The following ANKRD45 variants were observed in gnomAD, a reference collection of about 807,000 sequenced individuals.
ANKRD45 encodes the protein ankyrin repeat domain-containing protein 45.
ANKRD45 carries 21 observed loss-of-function variants against 28.1 expected under a neutral mutation model. The ratio of observed to expected loss-of-function variants is 0.75; its 90% CI spans 0.53 to 1.08. The LOEUF (loss-of-function observed/expected upper bound fraction) is 1.08, where lower values mean the gene tolerates loss of function less well. Ranked by LOEUF, ANKRD45 falls within the 50% of genes least tolerant of loss-of-function variation. The pLI, the probability that ANKRD45 is intolerant of heterozygous loss-of-function variation, is 0.00. For synonymous variants in ANKRD45, 86 were observed against 103.9 expected, an observed-to-expected ratio of 0.83 and a Z score of 1.05; for missense variants, 261 against 308.7, an observed-to-expected ratio of 0.85 and a Z score of 1.16.
chr1:173,699,897 G>T, the ANKRD45 span, among the ~76,000 whole-genome samples: 1 of 152,188 alleles, frequency 6.6e-6, no homozygotes, highest in Non-Finnish European at 1.5e-5. Context: ...GTTTGCAGAT[G>T]ACATGATTGT....
At chr1:173,663,969 T>C (rs1669898566) in intron 1 of ANKRD45, among the ~76,000 whole-genome samples, 1 of 152,210 alleles carries the variant, frequency 6.6e-6, no homozygotes, top group Admixed American at 6.5e-5. Flanking sequence ...AAGCAATGTT[T>C]CTCTTTACTA....
At chr1:173,623,589 C>T (rs1667794598) in intron 5 of ANKRD45, among the ~76,000 whole-genome samples, 1 of 152,078 alleles carries the variant, frequency 6.6e-6, no homozygotes, top group Non-Finnish European at 1.5e-5. Context: ...TACCATTTGA[C>T]CCAGCAATCC....
At chr1:173,632,605 A>C (rs1668243911) in intron 3 of ANKRD45, among the ~76,000 whole-genome samples, 1 of 152,028 alleles carries the variant, frequency 6.6e-6, no homozygotes, top group Admixed American at 6.6e-5. Context: ...AAAATCCTCA[A>C]CAAAATGCTA....
the ANKRD45 span, among the ~76,000 whole-genome samples, chr1:173,688,576 G>C: frequency 3.2e-4 from 24 of 74,194 alleles, 1 homozygote; most frequent in Admixed American, 8.5e-4. Context: ...CTCTCTCTCT[G>C]CCGCTTCCTC....
chr1:173,639,093 A>G (rs1668592163), intron 3 of ANKRD45, among the ~76,000 whole-genome samples: 1 of 152,244 alleles, frequency 6.6e-6, no homozygotes, highest in Non-Finnish European at 1.5e-5. Context: ...CAAGCTTTGA[A>G]ACATTTGCAG....
the ANKRD45 span, among the ~76,000 whole-genome samples, chr1:173,700,397 C>A: frequency 2.0e-5 from 3 of 152,174 alleles, no homozygotes. Context: ...AAGCTGGAGG[C>A]ATCATGCTAC....
intron 5 of ANKRD45, among the ~76,000 whole-genome samples, chr1:173,611,871 A>G (rs1366583258): frequency 6.6e-6 from 1 of 152,212 alleles, no homozygotes; most frequent in Non-Finnish European, 1.5e-5. Context: ...AGGAAATAGA[A>G]TCATATTTCT....
chr1:173,668,236 T>G (rs569369215), intron 1 of ANKRD45, among the ~76,000 whole-genome samples: 1 of 152,304 alleles, frequency 6.6e-6, no homozygotes, highest in African/African-American at 2.4e-5. Flanking sequence ...AGGAAAGTCT[T>G]GCAGGATGCT....
the ANKRD45 span, among the ~76,000 whole-genome samples, chr1:173,684,459 C>G: frequency 6.6e-6 from 1 of 152,076 alleles, no homozygotes; most frequent in Admixed American, 6.6e-5. Context: ...TTTCAATGAG[C>G]CTCTGCACCA....
chr1:173,685,105 T>C, the ANKRD45 span, among the ~76,000 whole-genome samples: 5 of 152,212 alleles, frequency 3.3e-5, no homozygotes, highest in African/African-American at 1.2e-4. Flanking sequence ...GGATAGCCAA[T>C]TGGACTAAAG....
At chr1:173,699,281 C>T in the ANKRD45 span, among the ~76,000 whole-genome samples, 2 of 152,040 alleles carry the variant, frequency 1.3e-5, no homozygotes, top group Non-Finnish European at 2.9e-5. Flanking sequence ...GAAACTATTC[C>T]AATCAATAGA....
the ANKRD45 span, among the ~76,000 whole-genome samples, chr1:173,690,385 C>T: frequency 1.3e-5 from 2 of 151,986 alleles, no homozygotes; most frequent in Non-Finnish European, 2.9e-5. Context: ...GGGGATCCCA[C>T]GTGCTGGAAT....
rs1290273571 is a variant in ANKRD45 at position 173,608,906 on chromosome 1, A to AG, written c.*1238dup. The stretch of plus-strand genomic sequence containing the variant: ...AAGGGAGGGGAGGGGAGAGGAAGGG[A>AG]GAGGAAGGGAGGGGAAGGGAGGGGA... On this transcript the variant is annotated 3_prime_UTR_variant, in exon 6 of 6. Coordinates refer to ENST00000333279, the MANE Select transcript of ANKRD45 (RefSeq NM_198493.3). Among the ~76,000 whole-genome samples the AG allele has an allele frequency of 1.2e-3, 70 of 59,668 alleles. No homozygotes were observed. The highest frequency in any genetic ancestry group is 7.5e-3 in the African/African-American group (64 of 8,512). The allele number at this position is 59,668 out of a possible 152,430, so 39.1% of individuals were successfully genotyped here.
intron 1 of ANKRD45, among the ~76,000 whole-genome samples, chr1:173,667,299 C>T (rs558151186): frequency 1.8e-4 from 27 of 152,282 alleles, no homozygotes; most frequent in Middle Eastern, 3.4e-3. Context: ...CAATATCAAG[C>T]ATGGGTAAAA....
intron 3 of ANKRD45, among the ~76,000 whole-genome samples, chr1:173,645,292 T>C (rs1668874443): frequency 6.6e-6 from 1 of 152,196 alleles, no homozygotes; most frequent in African/African-American, 2.4e-5. Flanking sequence ...ACATGCATCT[T>C]ACCACTACCA....
chr1:173,667,803 T>A (rs985189079), intron 1 of ANKRD45: 2 of 391,878 alleles, frequency 5.1e-6, no homozygotes, highest in Non-Finnish European at 9.8e-6. Flanking sequence ...TAAAATACTC[T>A]TCCCTTTTCC....
At chr1:173,642,717 T>C (rs1668754009) in intron 3 of ANKRD45, among the ~76,000 whole-genome samples, 2 of 152,242 alleles carry the variant, frequency 1.3e-5, no homozygotes. Context: ...TAAGTGTTTT[T>C]GCCTCTCTCA....
At chr1:173,651,989 T>C (rs1436127627) in intron 2 of ANKRD45, among the ~76,000 whole-genome samples, 1 of 152,170 alleles carries the variant, frequency 6.6e-6, no homozygotes, top group Non-Finnish European at 1.5e-5. Context: ...CTTAAGGAGA[T>C]TTGGGGCTGA....
chr1:173,622,903 G>C (rs1472864119), intron 5 of ANKRD45, among the ~76,000 whole-genome samples: 1 of 152,098 alleles, frequency 6.6e-6, no homozygotes, highest in Non-Finnish European at 1.5e-5. Context: ...CTATTCATCT[G>C]ACAAAGGTCT....
Sources: gnomAD v4.1 joint callset for allele counts (sites outside exome capture counted in the v4.1 genomes callset) on GRCh38, gnomAD v4.1.1 for gene constraint, MANE v1.5 for transcripts, NCBI Gene and HGNC (gene_info 2026-07-23, HGNC 2026-07-21) for gene names.